CACNA2D3: variants seen among roughly 807,000 people sequenced by gnomAD.
CACNA2D3 encodes calcium voltage-gated channel auxiliary subunit alpha2delta 3.
CACNA2D3 carries 60 observed loss-of-function variants against 160.6 expected under a neutral mutation model. The observed-to-expected ratio is 0.37, with a 90% CI of 0.30 to 0.46. The LOEUF (loss-of-function observed/expected upper bound fraction) is 0.46, where lower values mean the gene tolerates loss of function less well. Among genes scored for constraint, CACNA2D3 ranks in the 20% least tolerant of loss-of-function variants. The probability of loss-of-function intolerance (pLI) is 1.00; values close to 1 mark genes in which losing one functional copy is unlikely to be tolerated. For missense variants in CACNA2D3, 1,205 were observed against 1,365.0 expected (o/e 0.88, Z 1.85); for synonymous variants, 558 against 492.9 (o/e 1.13, Z -1.75).
intron 13 of CACNA2D3, among the ~76,000 whole-genome samples, chr3:54,816,463 A>C (rs541752490): frequency 2.0e-5 from 3 of 152,060 alleles, no homozygotes; most frequent in Non-Finnish European, 4.4e-5. Context: ...GACAACCCCA[A>C]ATGTCTCCAG....
At chr3:54,734,461 T>G in intron 11 of CACNA2D3, among the ~76,000 whole-genome samples, 1 of 151,950 alleles carries the variant, frequency 6.6e-6, no homozygotes, top group Admixed American at 6.6e-5. Context: ...GCCAGAATAA[T>G]ATAAAAAGGG....
chr3:54,872,388 C>G (rs1296357944), intron 18 of CACNA2D3, among the ~76,000 whole-genome samples: 6 of 152,086 alleles, frequency 3.9e-5, no homozygotes, highest in African/African-American at 1.4e-4. Flanking sequence ...CTACTCTTCC[C>G]TTTTTCTAAG....
chr3:54,313,163 A>T (rs904573845), intron 2 of CACNA2D3, among the ~76,000 whole-genome samples: 2 of 151,990 alleles, frequency 1.3e-5, no homozygotes, highest in African/African-American at 4.8e-5. Context: ...GGACATCATC[A>T]TCTCTTGAGT....
intron 14 of CACNA2D3, among the ~76,000 whole-genome samples, chr3:54,822,657 G>A (rs775430379): frequency 7.2e-5 from 11 of 152,190 alleles, no homozygotes; most frequent in South Asian, 2.1e-4. Context: ...CACTCCAGCC[G>A]AAGCTACGTG....
chr3:54,211,278 A>T (rs564634770), intron 2 of CACNA2D3, among the ~76,000 whole-genome samples: 1 of 152,100 alleles, frequency 6.6e-6, no homozygotes, highest in East Asian at 1.9e-4. Context: ...CAAAGCAAAC[A>T]CTTCCTTGGT....
intron 11 of CACNA2D3, among the ~76,000 whole-genome samples, chr3:54,665,958 T>C (rs1227955739): frequency 6.6e-6 from 1 of 152,104 alleles, no homozygotes; most frequent in Non-Finnish European, 1.5e-5. Flanking sequence ...TGTGCCACCA[T>C]GCCCAGCTAA....
chr3:54,886,649 T>C (rs1559617345), intron 23 of CACNA2D3, among the ~76,000 whole-genome samples: 2 of 152,164 alleles, frequency 1.3e-5, no homozygotes, highest in African/African-American at 4.8e-5. Context: ...TTCCTACATA[T>C]GTAGGTATCT....
intron 11 of CACNA2D3, among the ~76,000 whole-genome samples, chr3:54,747,706 A>C (rs1008415463): frequency 6.6e-6 from 1 of 152,072 alleles, no homozygotes; most frequent in Non-Finnish European, 1.5e-5. Context: ...ATATCCCTGG[A>C]GCTTCCCTGT....
chr3:54,698,920 A>G (rs971341867), intron 11 of CACNA2D3, among the ~76,000 whole-genome samples: 4 of 152,196 alleles, frequency 2.6e-5, no homozygotes, highest in African/African-American at 9.6e-5. Flanking sequence ...AGCTTGTACA[A>G]ATCACTAACA....
chr3:54,990,105 C>T lies in CACNA2D3; in HGVS notation c.2690+2352C>T, dbSNP rs375937921. 2.0e-5 allele frequency among the ~76,000 whole-genome samples: 3 copies of T among 152,332 alleles called. No individual in the cohort carries two copies. In the East Asian group the frequency reaches 5.8e-4, roughly 29 times the overall value. On this transcript the variant is annotated intron_variant, in intron 31 of 37. Transcript: ENST00000474759. The stretch of plus-strand genomic sequence containing the variant: ...ACATGGGTTACATGAAGCTGCGTTG[C>T]TCTGGTGCTGTGGTTAGCCCAGGTG...
chr3:54,953,384 G>A (rs9839256), intron 27 of CACNA2D3, among the ~76,000 whole-genome samples: 8,764 of 152,004 alleles, frequency 0.058, 702 homozygotes, highest in African/African-American at 0.18. Flanking sequence ...GGTGGGGCCC[G>A]GTAACACTAC....
chr3:54,639,077 G>T (rs151240658), intron 10 of CACNA2D3: 4 of 146,920 alleles, frequency 2.7e-5, no homozygotes, highest in Admixed American at 1.3e-4. Context: ...GGGGCGCAGA[G>T]ATAAGAGATT....
intron 13 of CACNA2D3, among the ~76,000 whole-genome samples, chr3:54,785,640 A>C (rs944310983): frequency 2.0e-5 from 3 of 152,212 alleles, no homozygotes; most frequent in Non-Finnish European, 2.9e-5. Context: ...AGAAGCCAAC[A>C]AGCCTGAATG....
At chr3:55,073,170 C>G (rs1704854308) in intron 35 of CACNA2D3, among the ~76,000 whole-genome samples, 1 of 152,164 alleles carries the variant, frequency 6.6e-6, no homozygotes. Flanking sequence ...TCAGCCAACT[C>G]TGACTCTTGT....
chr3:54,342,349 A>G (rs1456818439), intron 3 of CACNA2D3, among the ~76,000 whole-genome samples: 1 of 152,184 alleles, frequency 6.6e-6, no homozygotes, highest in Non-Finnish European at 1.5e-5. Context: ...AGTAATAGAA[A>G]TCTACACAAA....
chr3:54,283,412 G>A (rs1227370021), intron 2 of CACNA2D3, among the ~76,000 whole-genome samples: 1 of 152,222 alleles, frequency 6.6e-6, no homozygotes, highest in Non-Finnish European at 1.5e-5. Flanking sequence ...ATAATGTGAA[G>A]TTGCATATCT....
chr3:54,886,462 T>TA (rs2106855628), intron 23 of CACNA2D3, among the ~76,000 whole-genome samples: 1 of 152,352 alleles, frequency 6.6e-6, no homozygotes, highest in South Asian at 2.1e-4. Context: ...AATACATTTG[T>TA]AGTCACCATC....
chr3:54,215,137 GGA>G (rs1330026155), intron 2 of CACNA2D3, among the ~76,000 whole-genome samples: 4 of 152,110 alleles, frequency 2.6e-5, no homozygotes, highest in Non-Finnish European at 5.9e-5. Context: ...TTTGGGTTGT[GGA>G]GAGAGAGAAA....
intron 29 of CACNA2D3, among the ~76,000 whole-genome samples, chr3:54,970,951 A>C (rs1486716607): frequency 6.6e-6 from 1 of 152,146 alleles, no homozygotes; most frequent in Admixed American, 6.6e-5. Context: ...ATTTCAACCC[A>C]GAAAACATAG....
Sources: gnomAD v4.1 joint callset for allele counts (sites outside exome capture counted in the v4.1 genomes callset) on GRCh38, gnomAD v4.1.1 for gene constraint, MANE v1.5 for transcripts, NCBI Gene and HGNC (gene_info 2026-07-23, HGNC 2026-07-21) for gene names.